Variants in DNER observed in about 807,000 individuals in gnomAD.
The protein encoded by DNER is delta and Notch-like epidermal growth factor-related receptor.
A neutral mutation model predicts 78.2 loss-of-function variants in DNER; 33 were observed. The observed-to-expected ratio is 0.42, with a 90% CI of 0.32 to 0.56. The LOEUF is 0.56. DNER is among the 20% of genes least tolerant of loss of function. DNER has a pLI of 0.11. For missense variants in DNER, 918 were observed against 975.3 expected, an observed-to-expected ratio of 0.94 and a Z score of 0.78; for synonymous variants, 417 against 384.8, an observed-to-expected ratio of 1.08 and a Z score of -0.98.
intron 8 of DNER, among the ~76,000 whole-genome samples, chr2:229,423,475 C>A (rs553044800): frequency 6.6e-6 from 1 of 151,764 alleles, no homozygotes; most frequent in Non-Finnish European, 1.5e-5. Flanking sequence ...AGTAGCCAGG[C>A]GTGGTGGTGG....
intron 4 of DNER, among the ~76,000 whole-genome samples, chr2:229,560,566 G>A (rs1696938324): frequency 6.6e-6 from 1 of 152,084 alleles, no homozygotes; most frequent in South Asian, 2.1e-4. Context: ...GGGTGAAACA[G>A]CACACCTGTG....
chr2:229,364,832 G>GTC (rs1233597013), intron 12 of DNER, among the ~76,000 whole-genome samples: 12 of 142,170 alleles, frequency 8.4e-5, no homozygotes, highest in Middle Eastern at 3.8e-3. Flanking sequence ...GTTTTCTCAT[G>GTC]TCTCTCTCTC....
At chr2:229,490,718 T>G (rs971687319) in intron 6 of DNER, among the ~76,000 whole-genome samples, 2 of 152,166 alleles carry the variant, frequency 1.3e-5, no homozygotes, top group Non-Finnish European at 2.9e-5. Flanking sequence ...GTAAACTTGC[T>G]GGTATGTGGA....
chr2:229,447,174 A>C (rs1157030030), intron 8 of DNER, 142 bp downstream of exon 8: 1 of 762,258 alleles, frequency 1.3e-6, no homozygotes, highest in African/African-American at 1.8e-5. Context: ...TATATCAGTA[A>C]GTATACTTAC....
At chr2:229,359,509 T>C (rs907263033) in intron 12 of DNER, among the ~76,000 whole-genome samples, 3 of 152,164 alleles carry the variant, frequency 2.0e-5, no homozygotes, top group Non-Finnish European at 4.4e-5. Context: ...TCTTCCACAC[T>C]AACCCATCCT....
chr2:229,381,990 A>G (rs142943378), intron 11 of DNER, among the ~76,000 whole-genome samples: 4,470 of 152,288 alleles, frequency 0.029, 96 homozygotes, highest in African/African-American at 0.06. Flanking sequence ...CCCAGCAGGG[A>G]TCAACAGACA....
chr2:229,500,846 C>A (rs1695605986), intron 6 of DNER, among the ~76,000 whole-genome samples: 1 of 152,056 alleles, frequency 6.6e-6, no homozygotes, highest in South Asian at 2.1e-4. Context: ...ATCTCTCACC[C>A]CCCTCCCGCC....
chr2:229,387,594 A>G (rs1692918279), intron 11 of DNER, among the ~76,000 whole-genome samples: 1 of 152,030 alleles, frequency 6.6e-6, no homozygotes, highest in African/African-American at 2.4e-5. Flanking sequence ...GAAGGAAAGA[A>G]GGAAAGGCAA....
chr2:229,478,914 A>G lies in DNER; in HGVS notation c.1148-1661T>C, dbSNP rs112900614. 9.0e-3 allele frequency among the ~76,000 whole-genome samples: 1,364 copies of G among 152,090 alleles called. 20 individuals carry two copies. Among genetic ancestry groups the G allele is most frequent in the African/African-American group, 0.031 (1,286 of 41,458 alleles). On this transcript the variant is annotated intron_variant, in intron 6 of 12. Transcript: ENST00000341772. ...TGCTGCACAGATCAACCCATCACCT[A>G]GGTATTAAGCCCAGCATTCCTTAGC...
intron 10 of DNER, among the ~76,000 whole-genome samples, chr2:229,392,535 G>A (rs73098266): frequency 0.029 from 4,478 of 152,224 alleles, 101 homozygotes; most frequent in African/African-American, 0.06. Context: ...GCTGCATCCC[G>A]TAGGCTGTTG....
intron 1 of DNER, among the ~76,000 whole-genome samples, chr2:229,639,615 A>G (rs1187262377): frequency 1.3e-5 from 2 of 152,204 alleles, no homozygotes; most frequent in Non-Finnish European, 2.9e-5. Flanking sequence ...CATTCCACAA[A>G]GAATAAAAAT....
chr2:229,418,642 C>T (rs1693698835), intron 8 of DNER, among the ~76,000 whole-genome samples: 1 of 151,948 alleles, frequency 6.6e-6, no homozygotes, highest in Non-Finnish European at 1.5e-5. Context: ...TGTGGTGGCT[C>T]ATGCCACCAC....
At chr2:229,681,830 AC>A (rs1699391702) in intron 1 of DNER, among the ~76,000 whole-genome samples, 1 of 89,714 alleles carries the variant, frequency 1.1e-5, no homozygotes, top group East Asian at 5.0e-4. Context: ...TGCCTAAAAC[AC>A]ACACACACAC....
chr2:229,543,762 C>T (rs891472366), intron 5 of DNER, among the ~76,000 whole-genome samples: 6 of 152,174 alleles, frequency 3.9e-5, no homozygotes, highest in South Asian at 2.1e-4. Context: ...TTATCAAATA[C>T]GTTCTCCCAT....
At chr2:229,626,820 T>C (rs2154215618) in intron 1 of DNER, among the ~76,000 whole-genome samples, 1 of 152,332 alleles carries the variant, frequency 6.6e-6, no homozygotes, top group South Asian at 2.1e-4. Flanking sequence ...ATACAACATA[T>C]TGTCCACACA....
intron 4 of DNER, among the ~76,000 whole-genome samples, chr2:229,557,095 C>A (rs1696867463): frequency 6.6e-6 from 1 of 152,164 alleles, no homozygotes; most frequent in Admixed American, 6.5e-5. Context: ...AGAGCAGGAA[C>A]TGTGCCCCTT....
At chr2:229,434,998 G>C (rs1219410999) in intron 8 of DNER, among the ~76,000 whole-genome samples, 1 of 151,086 alleles carries the variant, frequency 6.6e-6, no homozygotes, top group Non-Finnish European at 1.5e-5. Context: ...CACATATTTA[G>C]GTTTAAGGTT....
At chr2:229,477,902 A>G (rs1188385516) in intron 6 of DNER, among the ~76,000 whole-genome samples, 1 of 152,220 alleles carries the variant, frequency 6.6e-6, no homozygotes, top group African/African-American at 2.4e-5. Flanking sequence ...GGATTGTAAC[A>G]TAACTACGCA....
chr2:229,677,191 C>G (rs1699313008), intron 1 of DNER, among the ~76,000 whole-genome samples: 2 of 152,154 alleles, frequency 1.3e-5, no homozygotes, highest in Non-Finnish European at 2.9e-5. Context: ...GGGATGATGT[C>G]TTTGGTTGGC....
Sources: allele counts gnomAD v4.1 joint callset (sites outside exome capture counted in the v4.1 genomes callset), GRCh38; gene constraint gnomAD v4.1.1; transcripts MANE v1.5; gene names NCBI Gene and HGNC (gene_info 2026-07-23, HGNC 2026-07-21).